DPP6: variants seen among roughly 807,000 people sequenced by gnomAD.
The protein encoded by DPP6 is dipeptidyl peptidase like 6, also known as A-type potassium channel modulatory protein DPP6.
In DPP6, 69 loss-of-function variants were observed where a neutral mutation model predicts 122.6. The observed-to-expected ratio is 0.56, with a 90% CI of 0.46 to 0.69. The LOEUF is 0.69. Ranked by LOEUF, DPP6 falls within the 30% of genes least tolerant of loss-of-function variation. The pLI, the probability that DPP6 is intolerant of heterozygous loss-of-function variation, is 0.00. For missense variants in DPP6, 928 were observed against 1,116.9 expected (o/e 0.83, Z 2.41); for synonymous variants, 418 against 433.1 (o/e 0.97, Z 0.43).
chr7:154,042,562 A>G (rs1419039722), intron 1 of DPP6, among the ~76,000 whole-genome samples: 1 of 152,226 alleles, frequency 6.6e-6, no homozygotes, highest in East Asian at 1.9e-4. Context: ...ATAGCACTGT[A>G]GAACTCTTCC....
chr7:154,651,103 A>AC (rs1224850558), intron 6 of DPP6, among the ~76,000 whole-genome samples: 1 of 152,140 alleles, frequency 6.6e-6, no homozygotes, highest in African/African-American at 2.4e-5. Flanking sequence ...CCAGTACTGC[A>AC]CTAGCTTCCA....
At chr7:154,650,745 G>C (rs755924275) in intron 6 of DPP6, among the ~76,000 whole-genome samples, 13 of 152,126 alleles carry the variant, frequency 8.5e-5, no homozygotes, top group Non-Finnish European at 1.6e-4. Flanking sequence ...GGGTTAAAAA[G>C]AAACCAGATA....
chr7:154,188,145 A>C (rs779483445), intron 1 of DPP6, among the ~76,000 whole-genome samples: 4 of 152,260 alleles, frequency 2.6e-5, no homozygotes, highest in East Asian at 1.9e-4. Flanking sequence ...GCACCTCAGC[A>C]GATCCAAAGG....
intron 3 of DPP6, among the ~76,000 whole-genome samples, chr7:154,498,088 ATAGT>A (rs1162808025): frequency 6.6e-6 from 1 of 152,218 alleles, no homozygotes; most frequent in Non-Finnish European, 1.5e-5. Flanking sequence ...TGCTTCATAG[ATAGT>A]TACAGAAAAA....
chr7:154,644,143 T>C (rs10272326), intron 6 of DPP6, among the ~76,000 whole-genome samples: 22,514 of 152,174 alleles, frequency 0.15, 1,944 homozygotes, highest in African/African-American at 0.24. Context: ...AGCAACCTTT[T>C]GGAGCAGAAG....
chr7:153,851,899 T>C, the DPP6 span, among the ~76,000 whole-genome samples: 1 of 152,238 alleles, frequency 6.6e-6, no homozygotes. Flanking sequence ...ATTTTACGTA[T>C]ATCAAATGGT....
intron 4 of DPP6, among the ~76,000 whole-genome samples, chr7:154,560,605 T>G: frequency 6.6e-6 from 1 of 152,220 alleles, no homozygotes; most frequent in South Asian, 2.1e-4. Flanking sequence ...ATTTTAAAGC[T>G]GGGCATGGTG....
At chr7:154,259,614 G>C (rs1264158770) in intron 1 of DPP6, among the ~76,000 whole-genome samples, 1 of 152,160 alleles carries the variant, frequency 6.6e-6, no homozygotes, top group Non-Finnish European at 1.5e-5. Context: ...GGCTGGCTGT[G>C]ATAAATACTG....
chr7:153,975,863 A>C (rs535250976), intron 1 of DPP6, among the ~76,000 whole-genome samples: 1 of 152,374 alleles, frequency 6.6e-6, no homozygotes, highest in African/African-American at 2.4e-5. Flanking sequence ...GGTCGGAGGC[A>C]ACTTATGAAA....
At chr7:154,196,041 A>C (rs1439223483) in intron 1 of DPP6, among the ~76,000 whole-genome samples, 1 of 152,106 alleles carries the variant, frequency 6.6e-6, no homozygotes, top group African/African-American at 2.4e-5. Flanking sequence ...CCACCAGATC[A>C]GTTTCTGTCT....
At chr7:154,540,968 C>A (rs1010416913) in intron 4 of DPP6, among the ~76,000 whole-genome samples, 1 of 152,088 alleles carries the variant, frequency 6.6e-6, no homozygotes. Context: ...TTTGCTCAAT[C>A]CTGTTTAAAA....
At chr7:154,569,623 A>G (rs1830983952) in intron 5 of DPP6, among the ~76,000 whole-genome samples, 1 of 151,954 alleles carries the variant, frequency 6.6e-6, no homozygotes, top group Non-Finnish European at 1.5e-5. Context: ...AGACTATCAT[A>G]AAATTGTTTT....
chr7:154,791,375 G>A (rs2150422442), intron 10 of DPP6, among the ~76,000 whole-genome samples: 1 of 152,288 alleles, frequency 6.6e-6, no homozygotes, highest in African/African-American at 2.4e-5. Flanking sequence ...CAATCATGGT[G>A]GAAGACGAAA....
At position 153,963,014 on chromosome 7, in the gene DPP6, G is replaced by A. The variant is rs540072572; in HGVS notation, c.51+75280G>A. 2.0e-3 allele frequency among the ~76,000 whole-genome samples: 309 copies of A among 152,070 alleles called. 3 individuals carry two copies. Among genetic ancestry groups the A allele is most frequent in the African/African-American group, 6.9e-3 (286 of 41,442 alleles). On this transcript the variant is annotated intron_variant, in intron 1 of 25. Transcript: ENST00000404039. ...CTCTCCTACGAAGACTAAATTAACT[G>A]TTCCTTCATTTGTATTCTCTAAAGG...
At chr7:154,630,752 G>A (rs57778852) in intron 5 of DPP6, among the ~76,000 whole-genome samples, 63,950 of 151,376 alleles carry the variant, frequency 0.42, 14,058 homozygotes, top group African/African-American at 0.57. Context: ...CATGGACACC[G>A]GGAGGGGAAC....
intron 8 of DPP6, among the ~76,000 whole-genome samples, chr7:154,757,516 C>G (rs1476651192): frequency 2.0e-5 from 3 of 152,218 alleles, no homozygotes; most frequent in African/African-American, 7.2e-5. Context: ...TTACACAAGT[C>G]ATTTTGCAAT....
At chr7:154,390,676 G>C (rs10253541) in intron 1 of DPP6, among the ~76,000 whole-genome samples, 21,343 of 152,130 alleles carry the variant, frequency 0.14, 2,200 homozygotes, top group African/African-American at 0.29. Flanking sequence ...AAACGCAGGT[G>C]GAAGAAGCAG....
chr7:153,833,758 T>G, the DPP6 span, among the ~76,000 whole-genome samples: 7 of 152,150 alleles, frequency 4.6e-5, no homozygotes, highest in African/African-American at 1.7e-4. Context: ...ATAGTTGGCA[T>G]GCACTCATGT....
At chr7:154,480,320 A>C (rs936120438) in intron 3 of DPP6, among the ~76,000 whole-genome samples, 14 of 151,048 alleles carry the variant, frequency 9.3e-5, no homozygotes. Context: ...CTCTTCTTCC[A>C]CTCTCCCTAA....
Sources: allele counts gnomAD v4.1 joint callset (sites outside exome capture counted in the v4.1 genomes callset), GRCh38; gene constraint gnomAD v4.1.1; transcripts MANE v1.5; gene names NCBI Gene and HGNC (gene_info 2026-07-23, HGNC 2026-07-21).